COL25A1: variants seen among roughly 807,000 people sequenced by gnomAD.
COL25A1 encodes the protein collagen type XXV alpha 1 chain, also known as collagen alpha-1(XXV) chain.
In COL25A1, 103 loss-of-function variants were observed where a neutral mutation model predicts 128.4. That is an observed-to-expected ratio of 0.80 (90% confidence interval 0.68 to 0.94). The LOEUF (loss-of-function observed/expected upper bound fraction) is 0.94, where lower values mean the gene tolerates loss of function less well. COL25A1 is among the 40% of genes least tolerant of loss of function. The pLI is 0.00. For missense variants in COL25A1, 745 were observed against 840.0 expected, an observed-to-expected ratio of 0.89 and a Z score of 1.40; for synonymous variants, 279 against 277.2, an observed-to-expected ratio of 1.01 and a Z score of -0.06.
intron 3 of COL25A1, among the ~76,000 whole-genome samples, chr4:109,220,623 T>A (rs1248865089): frequency 1.3e-5 from 2 of 152,218 alleles, no homozygotes; most frequent in Non-Finnish European, 2.9e-5. Context: ...CATATAGAAA[T>A]GTATTTTGCT....
At chr4:109,084,086 T>C (rs747082692) in intron 3 of COL25A1, among the ~76,000 whole-genome samples, 25 of 152,256 alleles carry the variant, frequency 1.6e-4, no homozygotes, top group Admixed American at 9.8e-4. Flanking sequence ...GACCTTGTCC[T>C]GAAGCAGAAC....
intron 18 of COL25A1, among the ~76,000 whole-genome samples, chr4:108,886,488 G>GTTTTTTTTT (rs1413657808): frequency 2.0e-5 from 1 of 49,426 alleles, no homozygotes; most frequent in African/African-American, 6.5e-5. Flanking sequence ...GTGTGTGTGT[G>GTTTTTTTTT]TGTGTTTAGC....
intron 10 of COL25A1, among the ~76,000 whole-genome samples, chr4:108,939,151 C>T (rs1747788514): frequency 6.6e-6 from 1 of 152,200 alleles, no homozygotes; most frequent in Admixed American, 6.5e-5. Flanking sequence ...AATGTACCAT[C>T]AAAATGGTTT....
At chr4:109,003,193 A>G (rs1429272572) in intron 6 of COL25A1, among the ~76,000 whole-genome samples, 1 of 152,234 alleles carries the variant, frequency 6.6e-6, no homozygotes, top group Non-Finnish European at 1.5e-5. Context: ...ACAGAATGGG[A>G]GAAAACTTTT....
intron 3 of COL25A1, among the ~76,000 whole-genome samples, chr4:109,269,719 C>G (rs1035087756): frequency 6.6e-6 from 1 of 152,076 alleles, no homozygotes; most frequent in African/African-American, 2.4e-5. Flanking sequence ...TTTTTGGCTG[C>G]ATAAATGTCT....
chr4:109,001,050 G>T (rs34526674), intron 6 of COL25A1, among the ~76,000 whole-genome samples: 8,553 of 152,188 alleles, frequency 0.056, 331 homozygotes, highest in Non-Finnish European at 0.087. Flanking sequence ...AAATTAATGG[G>T]AGATTAGGCT....
intron 6 of COL25A1, among the ~76,000 whole-genome samples, chr4:108,991,623 A>G (rs915759878): frequency 5.9e-5 from 9 of 151,708 alleles, no homozygotes; most frequent in Non-Finnish European, 1.3e-4. Context: ...GTTTAATATG[A>G]CAGTTCTGTT....
At chr4:109,273,284 GATTT>G (rs1427919333) in intron 3 of COL25A1, among the ~76,000 whole-genome samples, 1 of 152,072 alleles carries the variant, frequency 6.6e-6, no homozygotes, top group Non-Finnish European at 1.5e-5. Flanking sequence ...AAAGTAATGA[GATTT>G]TTTATTTAAA....
chr4:109,021,290 A>G (rs1031256955), intron 5 of COL25A1, among the ~76,000 whole-genome samples: 3 of 152,232 alleles, frequency 2.0e-5, no homozygotes, highest in African/African-American at 4.8e-5. Context: ...CCATTGCAAG[A>G]GAGTTAGAAC....
At chr4:108,968,474 G>A (rs907506227) in intron 8 of COL25A1, among the ~76,000 whole-genome samples, 1 of 143,726 alleles carries the variant, frequency 7.0e-6, no homozygotes, top group Non-Finnish European at 1.5e-5. Context: ...TATTATATTG[G>A]CCACTCTTTT....
intron 15 of COL25A1, among the ~76,000 whole-genome samples, chr4:108,898,687 G>A (rs938665127): frequency 6.6e-6 from 1 of 152,140 alleles, no homozygotes; most frequent in African/African-American, 2.4e-5. Context: ...AAGCAGTAGA[G>A]AGAGATGTGG....
intron 6 of COL25A1, among the ~76,000 whole-genome samples, chr4:108,982,991 G>C (rs1221700422): frequency 1.3e-5 from 2 of 152,172 alleles, no homozygotes; most frequent in Non-Finnish European, 2.9e-5. Context: ...GACTGATGTA[G>C]CTCAATGGAG....
intron 3 of COL25A1, among the ~76,000 whole-genome samples, chr4:109,290,856 C>A (rs991975199): frequency 4.6e-5 from 7 of 152,112 alleles, no homozygotes; most frequent in African/African-American, 1.7e-4. Context: ...ATGCAGCCTG[C>A]AGGGACATGG....
intron 3 of COL25A1, among the ~76,000 whole-genome samples, chr4:109,269,137 G>C (rs1389300727): frequency 7.2e-6 from 1 of 138,386 alleles, no homozygotes; most frequent in Non-Finnish European, 1.5e-5. Context: ...CTGTGTCTAT[G>C]TGATCTCATT....
chr4:109,149,155 G>A lies in COL25A1; in HGVS notation c.368-98976C>T, dbSNP rs1009012307. 5.3e-5 allele frequency among the ~76,000 whole-genome samples: 8 copies of A among 152,070 alleles called. No homozygotes were observed. In the South Asian group the frequency reaches 6.2e-4, roughly 12 times the overall value. ...TTGTAGCCTTATTTTCCAACAAAGCGTTTGTATTACAAGTAAGTACTCTAT... is the reference window on the plus strand; with the variant it reads ...TTGTAGCCTTATTTTCCAACAAAGCATTTGTATTACAAGTAAGTACTCTAT... On this transcript the variant is annotated intron_variant, in intron 3 of 37. Transcript: ENST00000399132.
rs80074753 is a variant in COL25A1 at position 109,196,170 on chromosome 4, G to A, written c.367+104413C>T. ...AATAAAGATAATGTACATCCATTAC[G>A]GGGAGACGAGACCTCAGGCAATCAC... is the stretch of plus-strand genomic sequence containing the variant. On this transcript the variant is annotated intron_variant, in intron 3 of 37. Transcript: ENST00000399132. Among the ~76,000 whole-genome samples the A allele has an allele frequency of 8.5e-3, 1,297 of 152,232 alleles. 58 individuals carry two copies. In the South Asian group the frequency reaches 0.14, roughly 16 times the overall value.
At chr4:109,021,095 A>G (rs778253331) in intron 5 of COL25A1, among the ~76,000 whole-genome samples, 1 of 152,230 alleles carries the variant, frequency 6.6e-6, no homozygotes, top group Non-Finnish European at 1.5e-5. Flanking sequence ...GTAAACAACC[A>G]ATACTCTACT....
intron 3 of COL25A1, among the ~76,000 whole-genome samples, chr4:109,105,080 G>T (rs996627212): frequency 1.3e-5 from 2 of 152,118 alleles, no homozygotes; most frequent in Non-Finnish European, 2.9e-5. Flanking sequence ...GTAGGAATAG[G>T]TGCCTTATGC....
chr4:109,283,284 AT>A (rs574151720), intron 3 of COL25A1, among the ~76,000 whole-genome samples: 10 of 152,138 alleles, frequency 6.6e-5, no homozygotes, highest in Non-Finnish European at 1.5e-4. Context: ...GTCTCACTCT[AT>A]TGTATAGGCT....
Sources: gnomAD v4.1 joint callset for allele counts (sites outside exome capture counted in the v4.1 genomes callset) on GRCh38, gnomAD v4.1.1 for gene constraint, MANE v1.5 for transcripts, NCBI Gene and HGNC (gene_info 2026-07-23, HGNC 2026-07-21) for gene names.